Variants in KCNH8 observed in about 807,000 individuals in gnomAD.
KCNH8 encodes potassium voltage-gated channel subfamily H member 8.
KCNH8 carries 70 observed loss-of-function variants against 103.6 expected under a neutral mutation model. That is an observed-to-expected ratio of 0.68 (90% CI 0.56 to 0.82). KCNH8 has a LOEUF of 0.82. Ranked by LOEUF, KCNH8 falls within the 40% of genes least tolerant of loss-of-function variation. The probability of loss-of-function intolerance (pLI) is 0.00; values close to 1 mark genes in which losing one functional copy is unlikely to be tolerated. For missense variants in KCNH8, 1,217 were observed against 1,329.9 expected (o/e 0.92, Z 1.32); for synonymous variants, 498 against 489.4 (o/e 1.02, Z -0.23).
At chr3:19,484,328 A>ATTGTTTTACT (rs2068157773) in intron 11 of KCNH8, among the ~76,000 whole-genome samples, 1 of 152,180 alleles carries the variant, frequency 6.6e-6, no homozygotes, top group Non-Finnish European at 1.5e-5. Context: ...GAACAGAAAG[A>ATTGTTTTACT]TTGTTTTACT....
intron 1 of KCNH8, among the ~76,000 whole-genome samples, chr3:19,226,984 C>G (rs981868531): frequency 8.5e-5 from 13 of 152,126 alleles, no homozygotes; most frequent in Non-Finnish European, 1.6e-4. Context: ...AGCCGTGTCC[C>G]AAGTCTTCAC....
chr3:19,262,894 A>G (rs2064455607), intron 2 of KCNH8, among the ~76,000 whole-genome samples: 1 of 152,080 alleles, frequency 6.6e-6, no homozygotes, highest in African/African-American at 2.4e-5. Flanking sequence ...TGAGCAAAAC[A>G]AAATTATCTT....
intron 1 of KCNH8, among the ~76,000 whole-genome samples, chr3:19,169,240 T>A (rs1465569462): frequency 6.7e-6 from 1 of 150,136 alleles, no homozygotes; most frequent in African/African-American, 2.5e-5. Context: ...ATCTCACTCT[T>A]TTGTTTCTTT....
chr3:19,335,445 G>GTA (rs1258575246), intron 3 of KCNH8, among the ~76,000 whole-genome samples: 2 of 145,768 alleles, frequency 1.4e-5, no homozygotes, highest in African/African-American at 5.0e-5. Context: ...ATGTGTGTGT[G>GTA]TATATATATA....
At chr3:19,321,418 A>G (rs1357759707) in intron 3 of KCNH8, among the ~76,000 whole-genome samples, 2 of 150,618 alleles carry the variant, frequency 1.3e-5, no homozygotes, top group Admixed American at 1.3e-4. Flanking sequence ...TTGAATTTAC[A>G]TCTTGATTTC....
intron 5 of KCNH8, among the ~76,000 whole-genome samples, chr3:19,389,772 C>G (rs775521457): frequency 4.6e-5 from 7 of 151,992 alleles, no homozygotes; most frequent in Non-Finnish European, 8.8e-5. Context: ...GGACTACAGA[C>G]ATGTGCCAGT....
At chr3:19,177,214 C>T (rs1055524236) in intron 1 of KCNH8, among the ~76,000 whole-genome samples, 1 of 151,910 alleles carries the variant, frequency 6.6e-6, no homozygotes, top group Non-Finnish European at 1.5e-5. Context: ...AGAGGTAAAC[C>T]AAGAAGGCAG....
rs1446591964 is a variant in KCNH8, at chr3:19,477,437, T to A, written c.2040+20455T>A. Among the ~76,000 whole-genome samples, 8 of 151,736 alleles carry A rather than the reference T, an allele frequency of 5.3e-5. No homozygotes were observed. The East Asian group carries it at 1.5e-3, about 29-fold the overall frequency. Reference sequence around the variant, plus strand: ...TTTTTTGGTTTTCTTTTTTTTTTTTTAACTGTAATTTCTATGTGAGAATTC... The same window carrying A: ...TTTTTTGGTTTTCTTTTTTTTTTTTAAACTGTAATTTCTATGTGAGAATTC... On this transcript the variant is annotated intron_variant, in intron 11 of 15. Coordinates refer to ENST00000328405, the MANE Select transcript of KCNH8 (RefSeq NM_144633.3).
chr3:19,229,808 C>T (rs1559432729), intron 1 of KCNH8, among the ~76,000 whole-genome samples: 2 of 152,288 alleles, frequency 1.3e-5, no homozygotes, highest in South Asian at 2.1e-4. Flanking sequence ...TCTTCTGAGC[C>T]CTCCAAACTG....
intron 12 of KCNH8, among the ~76,000 whole-genome samples, chr3:19,511,932 T>C (rs934047650): frequency 3.9e-5 from 6 of 152,172 alleles, no homozygotes; most frequent in Non-Finnish European, 7.3e-5. Context: ...AAAATCCGTA[T>C]ACACCAAAAT....
At chr3:19,451,749 G>A (rs867977560) in intron 10 of KCNH8, among the ~76,000 whole-genome samples, 1 of 152,110 alleles carries the variant, frequency 6.6e-6, no homozygotes, top group Admixed American at 6.6e-5. Context: ...TGGTGAAATA[G>A]CTGCTCAGTT....
intron 2 of KCNH8, among the ~76,000 whole-genome samples, chr3:19,272,615 C>T (rs2064604849): frequency 6.6e-6 from 1 of 152,126 alleles, no homozygotes; most frequent in African/African-American, 2.4e-5. Context: ...ATCAAAACTG[C>T]ATCATGGTCT....
intron 1 of KCNH8, among the ~76,000 whole-genome samples, chr3:19,203,374 A>G (rs1475181114): frequency 6.6e-6 from 1 of 152,072 alleles, no homozygotes; most frequent in Non-Finnish European, 1.5e-5. Context: ...GAAATATTCT[A>G]AATAAAAGCA....
chr3:19,163,284 T>TTA (rs905378101), intron 1 of KCNH8, among the ~76,000 whole-genome samples: 219 of 149,624 alleles, frequency 1.5e-3, no homozygotes, highest in African/African-American at 4.2e-3. Context: ...ATATATAAAA[T>TTA]TATATATATA....
intron 3 of KCNH8, among the ~76,000 whole-genome samples, chr3:19,306,783 C>T (rs1044573080): frequency 6.6e-6 from 1 of 151,966 alleles, no homozygotes; most frequent in African/African-American, 2.4e-5. Flanking sequence ...TTCCTTTCAC[C>T]TATCAGGAAA....
chr3:19,260,497 T>G (rs28754791), intron 2 of KCNH8, among the ~76,000 whole-genome samples: 15 of 94,898 alleles, frequency 1.6e-4, no homozygotes, highest in Admixed American at 3.4e-4. Flanking sequence ...GATATATATA[T>G]ATATATATAT....
At chr3:19,224,386 C>A (rs2063906899) in intron 1 of KCNH8, among the ~76,000 whole-genome samples, 1 of 151,906 alleles carries the variant, frequency 6.6e-6, no homozygotes. Context: ...AATTTGTTTA[C>A]CTAAACCATA....
intron 1 of KCNH8, among the ~76,000 whole-genome samples, chr3:19,191,800 T>A (rs576707542): frequency 4.5e-4 from 68 of 151,902 alleles, no homozygotes; most frequent in Admixed American, 1.2e-3. Flanking sequence ...TAGTGCTTGA[T>A]GTATTTTGTT....
At chr3:19,322,524 A>G (rs572618887) in intron 3 of KCNH8, among the ~76,000 whole-genome samples, 32 of 152,228 alleles carry the variant, frequency 2.1e-4, no homozygotes, top group African/African-American at 5.3e-4. Flanking sequence ...TTGGACCCCA[A>G]TCCCTTCTTG....
Sources: gnomAD v4.1 joint callset for allele counts (sites outside exome capture counted in the v4.1 genomes callset) on GRCh38, gnomAD v4.1.1 for gene constraint, MANE v1.5 for transcripts, NCBI Gene and HGNC (gene_info 2026-07-23, HGNC 2026-07-21) for gene names.